The following NCL variants were observed in gnomAD, a reference collection of about 807,000 sequenced individuals.
NCL encodes the protein nucleolin multifunctional protein.
NCL carries 4 observed loss-of-function variants against 77.7 expected under a neutral mutation model. The ratio of observed to expected loss-of-function variants is 0.05; its 90% CI spans 0.03 to 0.12. NCL has a LOEUF of 0.12. Among genes scored for constraint, NCL ranks in the 10% least tolerant of loss-of-function variants. The pLI, the probability that NCL is intolerant of heterozygous loss-of-function variation, is 1.00. For missense variants in NCL, 763 were observed against 860.9 expected (o/e 0.89, Z 1.42); for synonymous variants, 344 against 297.8 (o/e 1.16, Z -1.60).
At chr2:231,462,660 TCA>T (rs1250783152) in intron 2 of NCL, 3 of 458,156 alleles carry the variant, frequency 6.5e-6, no homozygotes, top group Non-Finnish European at 1.3e-5. Context: ...TGAGCACAAT[TCA>T]GTGCTCAGCT....
In NCL at chr2:231,454,008, G is replaced by A. The variant is rs1185541157; in HGVS notation, c.*1183C>T. 6.6e-6 allele frequency: 1 copy of A among 152,204 alleles called. No individual in the cohort carries two copies. Among genetic ancestry groups the A allele is most frequent in the Non-Finnish European group, 1.5e-5 (1 of 68,046 alleles). The allele number at this position is 152,204 out of a possible 1,614,324, so 9.4% of individuals were successfully genotyped here. A position where few individuals can be genotyped will look rare whatever the true frequency, so the allele number is the denominator to read the frequency against. ...TTTTACTAAAAAGGGAGGTTGAGAG[G>A]CAAGTACTTAAGACCAGAAAGAATA... On this transcript the variant is annotated 3_prime_UTR_variant, in exon 14 of 14. Coordinates refer to ENST00000322723, the MANE Select transcript of NCL (RefSeq NM_005381.3).
chr2:231,455,664 T>G (rs74360211), intron 12 of NCL, 40 bp from the exon 13 acceptor site: 1 of 1,591,966 alleles, frequency 6.3e-7, no homozygotes. Flanking sequence ...AAAAAGCACC[T>G]ACTACACATG....
rs577354625 is a variant in NCL at position 231,457,800 on chromosome 2, C to T, written c.1290G>A (p.Gly430=). The stretch of plus-strand genomic sequence containing the variant: ...CTGTCTTAAATTCAATATAAGCAAT[C>T]CTGCAATGGAGGGAGAAGAACTCAT... ...RLVSKDGKSK[G]IAYIEFKTEA... Residue 430 remains glycine, a splice_region_variant and synonymous_variant, in exon 9 of 14, where the codon GGG becomes GGA. Coordinates refer to ENST00000322723, the MANE Select transcript of NCL (RefSeq NM_005381.3). 1.7e-5 allele frequency: 27 copies of T among 1,600,562 alleles called. No individual in the cohort carries two copies. The South Asian group carries it at 2.9e-4, about 17-fold the overall frequency.
rs1215520538 is a variant in NCL at position 231,455,586 on chromosome 2, T to C, written c.1871A>G (p.Lys624Arg). ...FVDFNSEEDA[K>R]AAKEAMEDGE... ...GTCTTCCATGGCCTCCTTGGCAGCT[T>C]TGGCATCCTCCTCACTGTTGAAGTC... The change falls in exon 13 of 14, where the codon AAA becomes AGA. Residue 624 changes from lysine to arginine, a missense_variant. Around this residue, in one of 2 missense-constraint regions of NCL, gnomAD observed 173 missense variants for 290.4 expected, o/e 0.60. Transcript: ENST00000322723. 5 of 1,614,016 alleles carry C rather than the reference T, an allele frequency of 3.1e-6. No homozygotes were observed. Among genetic ancestry groups the C allele is most frequent in the African/African-American group, 2.7e-5 (2 of 74,920 alleles).
intron 7 of NCL, chr2:231,458,799 GA>G: frequency 5.6e-6 from 3 of 532,514 alleles, no homozygotes; most frequent in Non-Finnish European, 6.0e-6. Flanking sequence ...CCTAACTCAG[GA>G]ATTTACACTA....
intron 7 of NCL, 33 bp downstream of exon 7, chr2:231,458,968 G>A (rs111871556): frequency 6.6e-7 from 1 of 1,519,222 alleles, no homozygotes; most frequent in Admixed American, 2.3e-5. Flanking sequence ...TAGCTCCTGA[G>A]TTCATTGCAT....
Position 231,462,348 on chromosome 2 carries a change from A to G in NCL, c.136-331T>C, listed in dbSNP as rs183935799. Among the ~76,000 whole-genome samples, 112 of 152,350 alleles carry G rather than the reference A, an allele frequency of 7.4e-4. 2 individuals are homozygous for G. Among genetic ancestry groups the G allele is most frequent in the Admixed American group, 7.3e-3 (112 of 15,304 alleles). Reference sequence around the variant, plus strand: ...TATCATCCTTACATGTTTAAGGATCATGAATTGCTATGTGTAAATTATTCA... The same window carrying G: ...TATCATCCTTACATGTTTAAGGATCGTGAATTGCTATGTGTAAATTATTCA... On this transcript the variant is annotated intron_variant, in intron 2 of 13. Transcript: ENST00000322723.
At chr2:231,463,007 G>A (rs1044938310) in intron 2 of NCL, 193 bp downstream of exon 2, 2 of 559,766 alleles carry the variant, frequency 3.6e-6, no homozygotes, top group African/African-American at 1.9e-5. Context: ...CCCAGATCTC[G>A]TCTTACACTC....
chr2:231,456,790 A>G lies in NCL; in HGVS notation c.1572-26T>C, dbSNP rs143520538. On this transcript the variant is annotated intron_variant, in intron 10 of 13. Coordinates refer to ENST00000322723, the MANE Select transcript of NCL (RefSeq NM_005381.3). ...CTGAGGATGAACAGTTAATGCTTAG[A>G]GTAAGTTACCAGGCACATGCTCCTT... is the stretch of plus-strand genomic sequence containing the variant. 409 of 1,612,328 alleles carry G rather than the reference A, an allele frequency of 2.5e-4. 5 individuals carry two copies. In the East Asian group the frequency reaches 7.1e-3, roughly 28 times the overall value.
chr2:231,463,059 G>T, intron 2 of NCL, 141 bp downstream of exon 2: 1 of 658,292 alleles, frequency 1.5e-6, no homozygotes, highest in Non-Finnish European at 2.6e-6. Flanking sequence ...ACATGTCAAT[G>T]AAGAGCTTGT....
intron 2 of NCL, chr2:231,462,659 T>C: frequency 2.2e-6 from 1 of 459,946 alleles, no homozygotes. Context: ...CTGAGCACAA[T>C]TCAGTGCTCA....
chr2:231,460,690 C>T lies in NCL; in HGVS notation c.790G>A (p.Glu264Lys). ...EDDDDEDDEE[E>K]EEEEEEEPVK... is the part of the protein sequence containing the mutation. ...GTACCTTCCTCCTCCTCTTCTTCCTCCTCCTCATCATCTTCATCATCATCA... is the reference window on the plus strand; with the variant it reads ...GTACCTTCCTCCTCCTCTTCTTCCTTCTCCTCATCATCTTCATCATCATCA... Residue 264 changes from glutamate to lysine, a missense_variant, in exon 4 of 14, where the codon GAG (glutamate) becomes AAG (lysine). By Grantham distance (56) the Glu-to-Lys change is moderately conservative. Coordinates refer to ENST00000322723, the MANE Select transcript of NCL (RefSeq NM_005381.3). 1.2e-6 allele frequency: 2 copies of T among 1,612,394 alleles called. No homozygotes were observed. The highest frequency in any genetic ancestry group is 1.7e-6 in the Non-Finnish European group (2 of 1,179,146).
At chr2:231,458,957 C>G in intron 7 of NCL, 44 bp downstream of exon 7, 1 of 1,492,000 alleles carries the variant, frequency 6.7e-7, no homozygotes, top group Non-Finnish European at 8.9e-7. Context: ...CCCTAGCAGT[C>G]TAGCTCCTGA....
rs1405656893 is a variant in NCL, at chr2:231,457,322, C to T, written c.1448-198G>A. Reference sequence around the variant, plus strand: ...TGCAATGTCCTGCTGGTTGTTCTTACATAGGCTGATGACTGGTCTGTTTTC... The same window carrying T: ...TGCAATGTCCTGCTGGTTGTTCTTATATAGGCTGATGACTGGTCTGTTTTC... On this transcript the variant is annotated intron_variant, in intron 9 of 13. Coordinates refer to ENST00000322723, the MANE Select transcript of NCL (RefSeq NM_005381.3). 10 of 828,610 alleles carry T rather than the reference C, an allele frequency of 1.2e-5. No individual in the cohort carries two copies. The Admixed American group carries it at 1.6e-4, about 13-fold the overall frequency. The allele number at this position is 828,610 out of a possible 1,614,324, so 51.3% of individuals were successfully genotyped here.
rs1468146835 is a variant in NCL, at chr2:231,453,832, T to G, written c.*1359A>C. 1 of 152,276 alleles carries G rather than the reference T, an allele frequency of 6.6e-6. No individual in the cohort carries two copies. Among genetic ancestry groups the G allele is most frequent in the Non-Finnish European group, 1.5e-5 (1 of 68,056 alleles). 9.4% of individuals were successfully genotyped at this position (152,276 alleles called of 1,614,324 possible). Reference sequence around the variant, plus strand: ...AAAGCAGCTACGTATTCTTCACGTTTCCTTCTAAGCTTATCCAAGTATCAC... The same window carrying G: ...AAAGCAGCTACGTATTCTTCACGTTGCCTTCTAAGCTTATCCAAGTATCAC... On this transcript the variant is annotated 3_prime_UTR_variant, in exon 14 of 14. Transcript: ENST00000322723.
At chr2:231,456,405 G>A in intron 11 of NCL, 1 of 974,746 alleles carries the variant, frequency 1.0e-6, no homozygotes, top group African/African-American at 1.6e-5. Flanking sequence ...GGATGGGGCA[G>A]GAAATCATGG....
Position 231,454,848 on chromosome 2 carries a change from AAAAAAAAAAAAACAAAAACAAAAC to A in NCL, c.*319_*342del. 1 of 165,578 alleles carries A rather than the reference AAAAAAAAAAAAACAAAAACAAAAC, an allele frequency of 6.0e-6. No homozygotes were observed. The highest frequency in any genetic ancestry group is 1.3e-5 in the Non-Finnish European group (1 of 78,932). 10.3% of individuals were successfully genotyped at this position (165,578 alleles called of 1,614,324 possible). A position where few individuals can be genotyped will look rare whatever the true frequency, so the allele number is the denominator to read the frequency against. Reference sequence around the variant, plus strand: ...TTTCTTTTACAACCCCACGAACGCAAAAAAAAAAAAAACAAAAACAAAACAAAAAAAAGAAACAACAACAAAACC... The same window carrying A: ...TTTCTTTTACAACCCCACGAACGCAAAAAAAAAAGAAACAACAACAAAACC... On this transcript the variant is annotated 3_prime_UTR_variant, in exon 14 of 14. Coordinates refer to ENST00000322723, the MANE Select transcript of NCL (RefSeq NM_005381.3).
chr2:231,460,871 AAG>A lies in NCL; in HGVS notation c.614-7_614-6del. On this transcript the variant is annotated splice_polypyrimidine_tract_variant and splice_region_variant and intron_variant, in intron 3 of 13. Coordinates refer to ENST00000322723, the MANE Select transcript of NCL (RefSeq NM_005381.3). ...CCATAGCTTCTTCTTCAGAGTCTGA[AAG>A]AGAAGTCACCTAAAAATTGCAGCAA... 1 of 1,612,304 alleles carries A rather than the reference AAG, an allele frequency of 6.2e-7. No homozygotes were observed. Among genetic ancestry groups the A allele is most frequent in the East Asian group, 2.2e-5 (1 of 44,876 alleles).
intron 9 of NCL, 112 bp from the exon 10 acceptor site, chr2:231,457,236 T>G: frequency 7.0e-7 from 1 of 1,423,248 alleles, no homozygotes; most frequent in Non-Finnish European, 9.9e-7. Context: ...AATATACAAA[T>G]ACTCATGACG....
Sources: allele counts gnomAD v4.1 joint callset (sites outside exome capture counted in the v4.1 genomes callset), GRCh38; gene constraint gnomAD v4.1.1; regional missense constraint gnomAD v4.1.1; transcripts MANE v1.5; gene names NCBI Gene and HGNC (gene_info 2026-07-23, HGNC 2026-07-21).